The following DARS1 variants were observed in gnomAD, a reference collection of about 807,000 sequenced individuals.
DARS1 encodes the protein aspartate--tRNA ligase, cytoplasmic.
A neutral mutation model predicts 68.8 loss-of-function variants in DARS1; 51 were observed. The observed-to-expected ratio is 0.74, with a 90% CI of 0.59 to 0.94. The LOEUF (loss-of-function observed/expected upper bound fraction) is 0.94, where lower values mean the gene tolerates loss of function less well. Among genes scored for constraint, DARS1 ranks in the 40% least tolerant of loss-of-function variants. DARS1 has a pLI of 0.00. For synonymous variants in DARS1, 203 were observed against 190.4 expected, an observed-to-expected ratio of 1.07 and a Z score of -0.55; for missense variants, 607 against 597.3, an observed-to-expected ratio of 1.02 and a Z score of -0.17.
At chr2:135,952,212 C>G (rs1681853136) in intron 4 of DARS1, among the ~76,000 whole-genome samples, 1 of 152,178 alleles carries the variant, frequency 6.6e-6, no homozygotes, top group African/African-American at 2.4e-5. Context: ...CCACTGCACT[C>G]CAGCCTTGGC....
chr2:135,951,639 C>T (rs1054840035), intron 4 of DARS1, among the ~76,000 whole-genome samples: 10 of 152,172 alleles, frequency 6.6e-5, no homozygotes, highest in Non-Finnish European at 1.2e-4. Flanking sequence ...TGAGAACACT[C>T]GGTCAATGCA....
intron 3 of DARS1, among the ~76,000 whole-genome samples, chr2:135,972,459 T>C (rs951325826): frequency 2.0e-5 from 3 of 152,178 alleles, no homozygotes; most frequent in East Asian, 1.9e-4. Context: ...ATCTAAGACT[T>C]TGAACTATAA....
rs1681003550 is a variant in DARS1, at chr2:135,916,280, G to C, written c.1052C>G (p.Ala351Gly). 6.4e-7 allele frequency: 1 copy of C among 1,570,176 alleles called. No individual in the cohort carries two copies. Among genetic ancestry groups the C allele is most frequent in the Admixed American group, 1.7e-5 (1 of 59,952 alleles). Residue 351 changes from alanine to glycine, a missense_variant, in exon 11 of 16, where the codon GCA (alanine) becomes GGA (glycine). Coordinates refer to ENST00000264161, the MANE Select transcript of DARS1 (RefSeq NM_001349.4). The stretch of plus-strand genomic sequence containing the variant: ...TCCAGCTTCCCTAAGCATAGCCAAT[G>C]CTTCACAATATTCTAGTCTTAGAGT... ...EPTLRLEYCE[A>G]LAMLREAGVE...
intron 6 of DARS1, 36 bp from the exon 7 acceptor site, chr2:135,932,878 T>C (rs771326484): frequency 1.0e-6 from 1 of 969,042 alleles, no homozygotes; most frequent in South Asian, 1.5e-5. Flanking sequence ...AAAAATAAAT[T>C]TTACTAATAT....
At chr2:135,977,412 T>C (rs933155165) in intron 3 of DARS1, among the ~76,000 whole-genome samples, 2 of 152,168 alleles carry the variant, frequency 1.3e-5, no homozygotes, top group African/African-American at 2.4e-5. Context: ...GAAACAGACA[T>C]GGCAGTCGTA....
chr2:135,937,790 C>A (rs1486422993), intron 5 of DARS1, among the ~76,000 whole-genome samples: 1 of 152,302 alleles, frequency 6.6e-6, no homozygotes, highest in East Asian at 1.9e-4. Context: ...GTTGAAATTT[C>A]TTTTCTTTAA....
At position 135,943,779 on chromosome 2, in the gene DARS1, T is replaced by G. The variant is rs58666594; in HGVS notation, c.321-299A>C. ...GAAAAGTAGTAAAAAGTCTTTTAAT[T>G]ATTTATTAAAGAACATTTCCCTCCC... On this transcript the variant is annotated intron_variant, in intron 4 of 15. Coordinates refer to ENST00000264161, the MANE Select transcript of DARS1 (RefSeq NM_001349.4). Among the ~76,000 whole-genome samples, 505 of 152,306 alleles carry G rather than the reference T, an allele frequency of 3.3e-3. 4 individuals are homozygous for G. Among genetic ancestry groups the G allele is most frequent in the African/African-American group, 0.011 (461 of 41,552 alleles).
At chr2:135,948,020 A>G (rs2104823148) in intron 4 of DARS1, among the ~76,000 whole-genome samples, 1 of 152,350 alleles carries the variant, frequency 6.6e-6, no homozygotes, top group Middle Eastern at 3.4e-3. Context: ...ACAAAGTTAT[A>G]TTTAGCCCAG....
At chr2:135,923,919 A>G (rs1267885281) in intron 8 of DARS1, among the ~76,000 whole-genome samples, 1 of 152,146 alleles carries the variant, frequency 6.6e-6, no homozygotes, top group African/African-American at 2.4e-5. Context: ...CGGGAGGCTG[A>G]GGCAGGAGAA....
At chr2:135,962,088 A>G (rs1682115145) in intron 3 of DARS1, among the ~76,000 whole-genome samples, 1 of 152,126 alleles carries the variant, frequency 6.6e-6, no homozygotes, top group African/African-American at 2.4e-5. Context: ...CTAGTCCTTC[A>G]TATTTTATGA....
chr2:135,952,640 T>C (rs1681865936), intron 4 of DARS1, among the ~76,000 whole-genome samples: 1 of 152,176 alleles, frequency 6.6e-6, no homozygotes, highest in South Asian at 2.1e-4. Flanking sequence ...AGTATTTCTC[T>C]GTGTCCAGCT....
chr2:135,934,794 CA>C lies in DARS1; in HGVS notation c.424-805del, dbSNP rs1471304154. Among the ~76,000 whole-genome samples, 107 of 149,962 alleles carry C rather than the reference CA, an allele frequency of 7.1e-4. 1 individual carries two copies. Among genetic ancestry groups the C allele is most frequent in the Non-Finnish European group, 4.6e-4 (31 of 67,522 alleles). ...GAGCAATTAACATATGACTTGCTAT[CA>C]TTTTTTTTTTTTTTTTTGAGACGGA... On this transcript the variant is annotated intron_variant, in intron 5 of 15. Transcript: ENST00000264161.
At chr2:135,964,984 G>C (rs1006089502) in intron 3 of DARS1, among the ~76,000 whole-genome samples, 29 of 151,534 alleles carry the variant, frequency 1.9e-4, no homozygotes, top group African/African-American at 7.0e-4. Flanking sequence ...GAAGTAGTGA[G>C]AACAGTCTAT....
At chr2:135,960,228 T>C (rs1422405971) in intron 4 of DARS1, among the ~76,000 whole-genome samples, 1 of 152,176 alleles carries the variant, frequency 6.6e-6, no homozygotes, top group African/African-American at 2.4e-5. Flanking sequence ...GGGGCTACTG[T>C]ATTAGTAGTA....
At chr2:135,912,822 T>C (rs759240939) in intron 12 of DARS1, among the ~76,000 whole-genome samples, 65 of 151,746 alleles carry the variant, frequency 4.3e-4, no homozygotes, top group Non-Finnish European at 9.0e-4. Flanking sequence ...TTTTAAGAGA[T>C]GGGGTCTTGC....
At position 135,932,990 on chromosome 2, in the gene DARS1, A is replaced by G; in HGVS notation, c.505-148T>C. On this transcript the variant is annotated intron_variant, in intron 6 of 15. Transcript: ENST00000264161. ...GCCCGAAAATCAGATAATGGTAGAA[A>G]CACAAAGTGCGGCCAGAGAGAAGTT... is the stretch of plus-strand genomic sequence containing the variant. 9.2e-6 allele frequency: 5 copies of G among 542,320 alleles called. No individual in the cohort carries two copies. In the South Asian group the frequency reaches 1.1e-4, roughly 12 times the overall value. The allele number at this position is 542,320 out of a possible 1,614,324, so 33.6% of individuals were successfully genotyped here.
intron 4 of DARS1, among the ~76,000 whole-genome samples, chr2:135,956,233 G>A (rs1390720094): frequency 6.6e-6 from 1 of 152,142 alleles, no homozygotes; most frequent in African/African-American, 2.4e-5. Flanking sequence ...TTGCAATAGG[G>A]GAAAAGAGAT....
intron 3 of DARS1, among the ~76,000 whole-genome samples, chr2:135,962,075 T>C (rs1245801418): frequency 6.6e-6 from 1 of 152,216 alleles, no homozygotes; most frequent in African/African-American, 2.4e-5. Context: ...CTTTATCACC[T>C]TCCTAGTCCT....
At chr2:135,930,331 A>G (rs990024598) in intron 7 of DARS1, among the ~76,000 whole-genome samples, 5 of 152,332 alleles carry the variant, frequency 3.3e-5, no homozygotes, top group South Asian at 2.1e-4. Context: ...GTGGTGTATT[A>G]GCAAACAAAG....
Sources: gnomAD v4.1 joint callset for allele counts (sites outside exome capture counted in the v4.1 genomes callset) on GRCh38, gnomAD v4.1.1 for gene constraint, MANE v1.5 for transcripts, NCBI Gene and HGNC (gene_info 2026-07-23, HGNC 2026-07-21) for gene names.